The following CD160 variants were observed in gnomAD, a reference collection of about 807,000 sequenced individuals.
CD160 encodes CD160 antigen.
A neutral mutation model predicts 19.2 loss-of-function variants in CD160; 11 were observed. The ratio of observed to expected loss-of-function variants is 0.57; its 90% CI spans 0.36 to 0.95. The LOEUF (loss-of-function observed/expected upper bound fraction) is 0.95, where lower values mean the gene tolerates loss of function less well. Among genes scored for constraint, CD160 ranks in the 40% least tolerant of loss-of-function variants. CD160 has a pLI of 0.01. For missense variants in CD160, 182 were observed against 213.2 expected (o/e 0.85, Z 0.91); for synonymous variants, 75 against 81.1 (o/e 0.93, Z 0.40).
chr1:145,723,150 G>A (rs958268214), intron 1 of CD160, among the ~76,000 whole-genome samples: 4 of 152,180 alleles, frequency 2.6e-5, no homozygotes, highest in Non-Finnish European at 4.4e-5. Context: ...GTCAAGGCTA[G>A]GAAAGGACAT....
chr1:145,728,655 C>T (rs1657159400), intron 3 of CD160, among the ~76,000 whole-genome samples: 1 of 151,838 alleles, frequency 6.6e-6, no homozygotes, highest in South Asian at 2.1e-4. Context: ...AGGCTTATGC[C>T]GCCACCGCCG....
intron 2 of CD160, among the ~76,000 whole-genome samples, chr1:145,727,438 G>T (rs1657094305): frequency 6.6e-6 from 1 of 152,020 alleles, no homozygotes; most frequent in South Asian, 2.1e-4. Flanking sequence ...ATTAGAAGAT[G>T]TAACTATAAA....
chr1:145,736,463 A>G, intron 5 of CD160: 2 of 423,248 alleles, frequency 4.7e-6, no homozygotes, highest in Admixed American at 3.8e-5. Context: ...ATTTTCAGCT[A>G]TTAGAGGAAG....
chr1:145,735,052 A>T (rs1463399356), intron 4 of CD160, among the ~76,000 whole-genome samples: 1 of 152,158 alleles, frequency 6.6e-6, no homozygotes, highest in Non-Finnish European at 1.5e-5. Flanking sequence ...GGTTGCAGTG[A>T]GCCGAGATTG....
intron 1 of CD160, among the ~76,000 whole-genome samples, chr1:145,722,019 G>C (rs899677143): frequency 6.6e-6 from 1 of 152,130 alleles, no homozygotes; most frequent in Non-Finnish European, 1.5e-5. Context: ...CCCCAACTTA[G>C]GAGCTGTGAT....
chr1:145,723,830 C>T (rs587662318), intron 1 of CD160, among the ~76,000 whole-genome samples: 2 of 152,142 alleles, frequency 1.3e-5, no homozygotes, highest in South Asian at 2.1e-4. Flanking sequence ...GTGATCCGCA[C>T]GCCTCCCAAA....
In CD160 at chr1:145,736,003, G is replaced by A; in HGVS notation, c.407G>A (p.Gly136Glu). The A allele has an allele frequency of 7.5e-6, 12 of 1,606,726 alleles. No homozygotes were observed. Among genetic ancestry groups the A allele is most frequent in the Non-Finnish European group, 1.0e-5 (12 of 1,174,430 alleles). The change falls in exon 5 of 6, where the codon GGG becomes GAG. Residue 136 changes from glycine (G) to glutamate (E), a missense_variant. Coordinates refer to ENST00000369288, the MANE Select transcript of CD160 (RefSeq NM_007053.4). ...HFFSILFTET[G>E]NYTVTGLKQR... ...TGATTCTCTTTTGAACCAGAGACAG[G>A]GAACTACACAGTGACGGGATTGAAA...
chr1:145,725,023 C>G (rs1559090479), intron 2 of CD160, 117 bp downstream of exon 2: 1 of 151,950 alleles, frequency 6.6e-6, no homozygotes, highest in Non-Finnish European at 1.5e-5. Context: ...CTCGGCCTCC[C>G]AAAGGCTTGG....
intron 3 of CD160, among the ~76,000 whole-genome samples, chr1:145,729,269 T>C (rs587757681): frequency 1.3e-5 from 2 of 152,326 alleles, no homozygotes; most frequent in South Asian, 4.1e-4. Flanking sequence ...AGCCTCCATC[T>C]CTGCCTCTTC....
chr1:145,736,003 G>C lies in CD160; in HGVS notation c.407G>C (p.Gly136Ala), dbSNP rs1657471069. 1 of 1,606,608 alleles carries C rather than the reference G, an allele frequency of 6.2e-7. No homozygotes were observed. The highest frequency in any genetic ancestry group is 1.7e-5 in the Admixed American group (1 of 59,602). ...TGATTCTCTTTTGAACCAGAGACAG[G>C]GAACTACACAGTGACGGGATTGAAA... Reference protein sequence around the residue: ...HFFSILFTETGNYTVTGLKQR... With the variant: ...HFFSILFTETANYTVTGLKQR... The change falls in exon 5 of 6, where the codon GGG becomes GCG. Residue 136 changes from glycine (G) to alanine (A), a missense_variant. Gly to Ala is a moderately conservative substitution (Grantham distance 60). Transcript: ENST00000369288.
At chr1:145,726,660 A>G (rs1227342173) in intron 2 of CD160, among the ~76,000 whole-genome samples, 1 of 152,176 alleles carries the variant, frequency 6.6e-6, no homozygotes, top group Admixed American at 6.5e-5. Context: ...CAGCAAACCA[A>G]CATGAAACAT....
At chr1:145,735,972 G>T in intron 4 of CD160, 25 bp from the exon 5 acceptor site, 1 of 1,567,054 alleles carries the variant, frequency 6.4e-7, no homozygotes. Flanking sequence ...ACCCTCCCCT[G>T]ATCCATGATT....
At chr1:145,725,320 C>T (rs1431684868) in intron 2 of CD160, among the ~76,000 whole-genome samples, 1 of 151,284 alleles carries the variant, frequency 6.6e-6, no homozygotes. Flanking sequence ...CGGCAGGCGC[C>T]TGTAATCCCA....
chr1:145,739,229 T>A lies in CD160; in HGVS notation c.*736T>A, dbSNP rs1160101661. On this transcript the variant is annotated 3_prime_UTR_variant, in exon 6 of 6. Coordinates refer to ENST00000369288, the MANE Select transcript of CD160 (RefSeq NM_007053.4). ...TTGGACAGATGACCTCTTGTCATAG[T>A]TAAGCAGAGAGTGGGCAGGATATTC... 2 of 152,280 alleles carry A rather than the reference T, an allele frequency of 1.3e-5. No individual in the cohort carries two copies. The highest frequency in any genetic ancestry group is 4.8e-5 in the African/African-American group (2 of 41,468). 9.4% of individuals were successfully genotyped at this position (152,280 alleles called of 1,614,324 possible). A position where few individuals can be genotyped will look rare whatever the true frequency, so the allele number is the denominator to read the frequency against.
chr1:145,732,372 G>T (rs1559094250), intron 4 of CD160, among the ~76,000 whole-genome samples: 2 of 152,070 alleles, frequency 1.3e-5, no homozygotes, highest in Admixed American at 6.5e-5. Flanking sequence ...TGACATACAG[G>T]AAACAAGGAG....
chr1:145,736,305 A>T, intron 5 of CD160, 171 bp downstream of exon 5: 1 of 1,544,156 alleles, frequency 6.5e-7, no homozygotes, highest in Non-Finnish European at 8.8e-7. Context: ...TCACTGATCC[A>T]AAGGCACTAA....
At chr1:145,728,632 T>A (rs1353921930) in intron 3 of CD160, among the ~76,000 whole-genome samples, 1 of 150,778 alleles carries the variant, frequency 6.6e-6, no homozygotes, top group Non-Finnish European at 1.5e-5. Context: ...GCTTCCCGAG[T>A]AGCTGGGACT....
At chr1:145,731,694 A>AAAAG (rs1657302655) in intron 4 of CD160, among the ~76,000 whole-genome samples, 1 of 152,108 alleles carries the variant, frequency 6.6e-6, no homozygotes, top group African/African-American at 2.4e-5. Flanking sequence ...ACAAGAAAAG[A>AAAAG]AAAGAAAGAA....
At chr1:145,735,599 A>AAAAC (rs587665363) in intron 4 of CD160, among the ~76,000 whole-genome samples, 6 of 151,902 alleles carry the variant, frequency 3.9e-5, no homozygotes, top group Non-Finnish European at 7.4e-5. Flanking sequence ...AAACAAAAAC[A>AAAAC]AAACAAACAA....
Sources: allele counts gnomAD v4.1 joint callset (sites outside exome capture counted in the v4.1 genomes callset), GRCh38; gene constraint gnomAD v4.1.1; transcripts MANE v1.5; gene names NCBI Gene and HGNC (gene_info 2026-07-23, HGNC 2026-07-21).